Variants in ZNF721 observed in about 807,000 individuals in gnomAD.
ZNF721 encodes zinc finger protein 721.
In ZNF721, 2 loss-of-function variants were observed where a neutral mutation model predicts 2.4. The observed-to-expected ratio is 0.82, with a 90% CI of 0.34 to 2.58. The LOEUF (loss-of-function observed/expected upper bound fraction) is 2.58. ZNF721 is among the 30% of genes most tolerant of loss of function. The probability of loss-of-function intolerance (pLI) is 0.11; values close to 1 mark genes in which losing one functional copy is unlikely to be tolerated. For synonymous variants in ZNF721, 398 were observed against 381.8 expected, an observed-to-expected ratio of 1.04 and a Z score of -0.50; for missense variants, 1,187 against 1,085.5, an observed-to-expected ratio of 1.09 and a Z score of -1.31.
At position 443,764 on chromosome 4, in the gene ZNF721, G is replaced by C. The variant is rs782645432; in HGVS notation, c.703C>G (p.His235Asp). ...TGAATTTTCTCATGTTTATTCAGGTGTGAGGAATGCATAAAGGCTTTCCCA... is the reference window on the plus strand; with the variant it reads ...TGAATTTTCTCATGTTTATTCAGGTCTGAGGAATGCATAAAGGCTTTCCCA... The part of the protein sequence containing the change: ...ECGKAFMHSS[H>D]LNKHEKIHTG... Residue 235 changes from histidine to aspartate, a missense_variant, in exon 3 of 3, where the codon CAC becomes GAC. His to Asp is a moderately conservative substitution (Grantham distance 81). Transcript: ENST00000511833. 7 of 1,613,568 alleles carry C rather than the reference G, an allele frequency of 4.3e-6. No individual in the cohort carries two copies. In the African/African-American group the frequency reaches 6.7e-5, roughly 15 times the overall value.
At chr4:490,343 G>A (rs1553871311) in intron 1 of ZNF721, among the ~76,000 whole-genome samples, 2 of 152,006 alleles carry the variant, frequency 1.3e-5, no homozygotes, top group Non-Finnish European at 2.9e-5. Flanking sequence ...AGGTGTGGTG[G>A]CAGGCGCCTG....
At chr4:444,946 A>G (rs1325426281) in intron 2 of ZNF721, among the ~76,000 whole-genome samples, 1 of 151,864 alleles carries the variant, frequency 6.6e-6, no homozygotes. Flanking sequence ...GAAGTGCTGA[A>G]TACAGGCAAC....
intron 1 of ZNF721, among the ~76,000 whole-genome samples, chr4:473,709 G>A (rs1553868123): frequency 6.6e-6 from 1 of 152,184 alleles, no homozygotes; most frequent in African/African-American, 2.4e-5. Flanking sequence ...GCCGCACCTG[G>A]CGTCTTCCCG....
chr4:450,291 G>A (rs369071381), intron 2 of ZNF721, among the ~76,000 whole-genome samples: 18 of 152,272 alleles, frequency 1.2e-4, no homozygotes, highest in East Asian at 9.6e-4. Flanking sequence ...GAACTTGGAT[G>A]AATAAAGAAA....
intron 2 of ZNF721, among the ~76,000 whole-genome samples, chr4:449,305 C>T (rs528179300): frequency 2.0e-5 from 3 of 151,934 alleles, no homozygotes; most frequent in African/African-American, 7.2e-5. Flanking sequence ...TCCACACACA[C>T]AAAAGTATAG....
chr4:442,154 AT>A lies in ZNF721; in HGVS notation c.2312del (p.His771LeufsTer42). The A allele has an allele frequency of 6.2e-7, 1 of 1,613,082 alleles. No individual in the cohort carries two copies. Among genetic ancestry groups the A allele is most frequent in the Non-Finnish European group, 8.5e-7 (1 of 1,179,298 alleles). On this transcript the variant is annotated frameshift_variant, in exon 3 of 3. Transcript: ENST00000511833. LOFTEE classifies it low-confidence loss of function (END_TRUNC). ...GTTTCTTTCCAGTATGAATTTTCTCATGTCTATTCAGGTGTGAGGACTGTTT... is the reference window on the plus strand; with the variant it reads ...GTTTCTTTCCAGTATGAATTTTCTCAGTCTATTCAGGTGTGAGGACTGTTT... ...VFKQSSHLNR[H>X]EKIHTGKKPY... is the part of the protein sequence containing the mutation.
intron 2 of ZNF721, among the ~76,000 whole-genome samples, chr4:454,471 G>C (rs1392704812): frequency 6.6e-6 from 1 of 152,176 alleles, no homozygotes; most frequent in Non-Finnish European, 1.5e-5. Context: ...TATGCTTACC[G>C]CAGCCCAAGG....
Position 497,999 on chromosome 4 carries a change from G to A in ZNF721, c.-94+1057C>T, listed in dbSNP as rs1196201484. Among the ~76,000 whole-genome samples, 32 of 151,876 alleles carry A rather than the reference G, an allele frequency of 2.1e-4. 1 individual carries two copies. On this transcript the variant is annotated intron_variant, in intron 1 of 2. Coordinates refer to ENST00000511833, the MANE Select transcript of ZNF721 (RefSeq NM_133474.4). ...AGGCGGGCGGATCACGAGGTCAGGA[G>A]TTCAAGAACAGCCTGACCAACATGG...
rs1306942556 is a variant in ZNF721 at position 440,910 on chromosome 4, C to A, written c.*785G>T. ...TGAACTCCCGACCTCAGGTGATCCA[C>A]CCTCCTTGGCCTCCCAAAGTGTTGG... On this transcript the variant is annotated 3_prime_UTR_variant, in exon 3 of 3. Coordinates refer to ENST00000511833, the MANE Select transcript of ZNF721 (RefSeq NM_133474.4). 6.6e-6 allele frequency: 1 copy of A among 152,274 alleles called. No homozygotes were observed. Among genetic ancestry groups the A allele is most frequent in the Non-Finnish European group, 1.5e-5 (1 of 68,074 alleles). 9.4% of individuals were successfully genotyped at this position (152,274 alleles called of 1,614,324 possible).
In ZNF721 at chr4:442,502, G is replaced by C. The variant is rs960976687; in HGVS notation, c.1965C>G (p.Asp655Glu). Residue 655 changes from aspartate to glutamate, a missense_variant, in exon 3 of 3, where the codon GAC becomes GAG. By Grantham distance (45) the Asp-to-Glu change is conservative. Coordinates refer to ENST00000511833, the MANE Select transcript of ZNF721 (RefSeq NM_133474.4). ...TAAGAATTTTCGTGTGTTGATTCAG[G>C]TCTGTTGATGGGGCAAAGGCTTTGC... is the stretch of plus-strand genomic sequence containing the variant. ...ECGKAFAPST[D>E]LNQHTKILTG... The C allele has an allele frequency of 1.2e-6, 2 of 1,612,510 alleles. No individual in the cohort carries two copies. The highest frequency in any genetic ancestry group is 2.7e-5 in the African/African-American group (2 of 74,720).
intron 1 of ZNF721, among the ~76,000 whole-genome samples, chr4:483,643 C>T (rs1345756627): frequency 6.6e-6 from 1 of 151,896 alleles, no homozygotes; most frequent in Non-Finnish European, 1.5e-5. Flanking sequence ...TGGGCAAAAA[C>T]GGGTAGTTCT....
intron 2 of ZNF721, among the ~76,000 whole-genome samples, chr4:451,241 G>C (rs1344619984): frequency 6.6e-6 from 1 of 152,034 alleles, no homozygotes; most frequent in Non-Finnish European, 1.5e-5. Context: ...TGGTCACCAA[G>C]TTCCCAAACA....
At chr4:491,213 G>C (rs1254283730) in intron 1 of ZNF721, among the ~76,000 whole-genome samples, 9 of 152,260 alleles carry the variant, frequency 5.9e-5, no homozygotes, top group African/African-American at 2.2e-4. Context: ...AGATCACGAG[G>C]TCAGAAGTTC....
In ZNF721 at chr4:440,355, T is replaced by C. The variant is rs1047072163; in HGVS notation, c.*1340A>G. ...TTTCACATAAATGAGAATGTTGAAATAGTATAATTTTAGAGTTGAATTATT... is the reference window on the plus strand; with the variant it reads ...TTTCACATAAATGAGAATGTTGAAACAGTATAATTTTAGAGTTGAATTATT... On this transcript the variant is annotated 3_prime_UTR_variant, in exon 3 of 3. Transcript: ENST00000511833. 1 of 152,240 alleles carries C rather than the reference T, an allele frequency of 6.6e-6. No individual in the cohort carries two copies. Among genetic ancestry groups the C allele is most frequent in the Non-Finnish European group, 1.5e-5 (1 of 68,038 alleles). The allele number at this position is 152,240 out of a possible 1,614,324, so 9.4% of individuals were successfully genotyped here.
intron 1 of ZNF721, among the ~76,000 whole-genome samples, chr4:480,932 T>G (rs1715756551): frequency 1.3e-5 from 2 of 152,082 alleles, no homozygotes; most frequent in East Asian, 3.9e-4. Flanking sequence ...GTATGACAAT[T>G]TCATTTTTCT....
rs549434013 is a variant in ZNF721 at position 499,122 on chromosome 4, C to T, written c.-160G>A. On this transcript the variant is annotated 5_prime_UTR_variant, in exon 1 of 3. Coordinates refer to ENST00000511833, the MANE Select transcript of ZNF721 (RefSeq NM_133474.4). The stretch of plus-strand genomic sequence containing the variant: ...GGCCCCACGGAGCCGGGAACACCGC[C>T]CGCTGTTCGTATGTCCGAGGTGACG... 2 of 576,170 alleles carry T rather than the reference C, an allele frequency of 3.5e-6. No individual in the cohort carries two copies. Among genetic ancestry groups the T allele is most frequent in the South Asian group, 4.6e-5 (2 of 43,114 alleles). 35.7% of individuals were successfully genotyped at this position (576,170 alleles called of 1,614,324 possible).
intron 2 of ZNF721, among the ~76,000 whole-genome samples, chr4:448,061 A>G (rs1242886729): frequency 6.6e-6 from 1 of 152,222 alleles, no homozygotes; most frequent in African/African-American, 2.4e-5. Flanking sequence ...TTAAACAATT[A>G]TGCCTAACAG....
chr4:442,476 G>A lies in ZNF721; in HGVS notation c.1991C>T (p.Thr664Ile), dbSNP rs368742165. The change falls in exon 3 of 3, where the codon ACT (threonine) becomes ATT (isoleucine). Residue 664 changes from threonine to isoleucine, a missense_variant. Transcript: ENST00000511833. ...TTCACATTTGTAACTTTGCTCTCCA[G>A]TAAGAATTTTCGTGTGTTGATTCAG... is the stretch of plus-strand genomic sequence containing the variant. Reference protein sequence around the residue: ...TDLNQHTKILTGEQSYKCEEC... With the variant: ...TDLNQHTKILIGEQSYKCEEC... The A allele has an allele frequency of 3.1e-6, 5 of 1,612,932 alleles. No homozygotes were observed. In the African/African-American group the frequency reaches 5.3e-5, roughly 17 times the overall value.
At chr4:458,903 G>A (rs1193631738) in intron 2 of ZNF721, among the ~76,000 whole-genome samples, 2 of 152,072 alleles carry the variant, frequency 1.3e-5, no homozygotes, top group East Asian at 1.9e-4. Context: ...GGCAGCCAGA[G>A]AGAAAGGTCA....
Sources: allele counts gnomAD v4.1 joint callset (sites outside exome capture counted in the v4.1 genomes callset), GRCh38; gene constraint gnomAD v4.1.1; transcripts MANE v1.5; gene names NCBI Gene and HGNC (gene_info 2026-07-23, HGNC 2026-07-21).